DHX32: variants seen among roughly 807,000 people sequenced by gnomAD.
DHX32 encodes DEAH-box helicase 32 (putative).
In DHX32, 51 loss-of-function variants were observed where a neutral mutation model predicts 70.0. That is an observed-to-expected ratio of 0.73 (90% CI 0.58 to 0.92). DHX32 has a LOEUF of 0.92. DHX32 is among the 40% of genes least tolerant of loss of function. The pLI is 0.00. For synonymous variants in DHX32, 310 were observed against 315.3 expected, an observed-to-expected ratio of 0.98 and a Z score of 0.18; for missense variants, 762 against 891.8, an observed-to-expected ratio of 0.85 and a Z score of 1.85.
At chr10:125,843,760 T>G (rs556474685) in intron 6 of DHX32, among the ~76,000 whole-genome samples, 3 of 152,326 alleles carry the variant, frequency 2.0e-5, no homozygotes, top group Admixed American at 6.5e-5. Flanking sequence ...CCAGTCCTGC[T>G]GGAGGACAGC....
At chr10:125,890,548 TC>T (rs1944364451) in intron 1 of DHX32, 1 of 151,938 alleles carries the variant, frequency 6.6e-6, no homozygotes, top group African/African-American at 2.4e-5. Flanking sequence ...ATAAAAAAGG[TC>T]CATTTTTAAC....
At chr10:125,853,021 A>G (rs1482460623) in intron 4 of DHX32, 3 of 819,716 alleles carry the variant, frequency 3.7e-6, no homozygotes, top group South Asian at 1.8e-5. Flanking sequence ...GTTCAAATCA[A>G]CCAGGATCTT....
At chr10:125,853,871 T>A in intron 4 of DHX32, 90 bp downstream of exon 4, 1 of 1,483,360 alleles carries the variant, frequency 6.7e-7, no homozygotes, top group Non-Finnish European at 9.0e-7. Flanking sequence ...TAGTTCATCC[T>A]CACTTCCTGA....
In DHX32 at chr10:125,859,683, CAAAAG is replaced by C; in HGVS notation, c.764_768del (p.Ser255Ter). 6.2e-7 allele frequency: 1 copy of C among 1,613,708 alleles called. No individual in the cohort carries two copies. Among genetic ancestry groups the C allele is most frequent in the Non-Finnish European group, 8.5e-7 (1 of 1,179,902 alleles). The stretch of plus-strand genomic sequence containing the variant: ...TCAAAGATAAGGCGTAAAATAGACT[CAAAAG>C]AATCCTTTTGAGCCTCACTAAGGTA... On this transcript the variant is annotated frameshift_variant, in exon 3 of 11. Transcript: ENST00000284690. LOFTEE classifies it high-confidence loss of function.
upstream of DHX32, among the ~76,000 whole-genome samples, chr10:125,884,648 G>A (rs1224985914): frequency 6.6e-6 from 1 of 152,226 alleles, no homozygotes; most frequent in East Asian, 1.9e-4. Flanking sequence ...AGTCATTTAT[G>A]TGTTTGGCTC....
At chr10:125,867,703 G>T (rs7100119) in intron 1 of DHX32, among the ~76,000 whole-genome samples, 124 of 144,712 alleles carry the variant, frequency 8.6e-4, no homozygotes, top group East Asian at 7.1e-3. Context: ...GCCACTGCAC[G>T]CCAGCCTGGG....
intron 6 of DHX32, among the ~76,000 whole-genome samples, chr10:125,847,096 G>A (rs566477930): frequency 1.2e-3 from 182 of 151,938 alleles, no homozygotes; most frequent in Non-Finnish European, 2.3e-3. Flanking sequence ...GTCCACAGGG[G>A]GAGACTCTAC....
intron 2 of DHX32, among the ~76,000 whole-genome samples, chr10:125,862,049 C>T (rs1000509601): frequency 2.0e-5 from 3 of 152,070 alleles, no homozygotes; most frequent in African/African-American, 7.2e-5. Flanking sequence ...ATATTGCTAT[C>T]CCATTACTAT....
intron 1 of DHX32, among the ~76,000 whole-genome samples, chr10:125,893,696 TAA>T (rs1417803560): frequency 1.3e-5 from 2 of 152,198 alleles, no homozygotes; most frequent in Non-Finnish European, 1.5e-5. Flanking sequence ...CAGAACTCCC[TAA>T]GAGTTTCAGA....
chr10:125,896,149 C>T, intron 1 of DHX32: 1 of 163,910 alleles, frequency 6.1e-6, no homozygotes, highest in Middle Eastern at 2.9e-3. Flanking sequence ...GGGCCGCCCA[C>T]CCGGCTCGGG....
At position 125,838,417 on chromosome 10, in the gene DHX32, T is replaced by C. The variant is rs773415974; in HGVS notation, c.1882-30A>G. On this transcript the variant is annotated intron_variant, in intron 9 of 10. Coordinates refer to ENST00000284690, the MANE Select transcript of DHX32 (RefSeq NM_018180.3). ...AAGGCAGAATTTTAAAGAAAAAAGA[T>C]TTTGTATTAATATGGAGATCATTAT... 2.6e-6 allele frequency: 4 copies of C among 1,533,794 alleles called. No individual in the cohort carries two copies. In the South Asian group the frequency reaches 5.2e-5, roughly 20 times the overall value.
intron 6 of DHX32, among the ~76,000 whole-genome samples, chr10:125,846,612 A>T (rs1389167375): frequency 6.6e-6 from 1 of 152,224 alleles, no homozygotes; most frequent in Non-Finnish European, 1.5e-5. Flanking sequence ...ACGTAAATCA[A>T]GAATCCTGCT....
chr10:125,836,921 T>C, intron 10 of DHX32, 66 bp from the exon 11 acceptor site: 1 of 1,428,434 alleles, frequency 7.0e-7, no homozygotes, highest in Non-Finnish European at 9.7e-7. Flanking sequence ...CCAAACATTA[T>C]GTCTGGGCAC....
intron 2 of DHX32, among the ~76,000 whole-genome samples, chr10:125,861,879 G>A (rs1182128026): frequency 6.6e-6 from 1 of 151,898 alleles, no homozygotes; most frequent in Non-Finnish European, 1.5e-5. Flanking sequence ...CTGAACCCGG[G>A]GGTAGTCTTG....
intron 6 of DHX32, among the ~76,000 whole-genome samples, chr10:125,851,818 A>C (rs1379080955): frequency 6.6e-6 from 1 of 151,002 alleles, no homozygotes; most frequent in African/African-American, 2.4e-5. Flanking sequence ...CTATTTGGGA[A>C]GCTGTGGTGG....
chr10:125,859,528 A>T, intron 3 of DHX32, 75 bp downstream of exon 3: 1 of 1,466,030 alleles, frequency 6.8e-7, no homozygotes, highest in Non-Finnish European at 9.1e-7. Flanking sequence ...GCAAACTGAA[A>T]CCTGTATGTT....
chr10:125,872,943 C>T (rs1042320954), intron 1 of DHX32, among the ~76,000 whole-genome samples: 2 of 152,218 alleles, frequency 1.3e-5, no homozygotes, highest in Non-Finnish European at 2.9e-5. Context: ...AAGTTAGCAA[C>T]TGCAGTTCTA....
Position 125,867,193 on chromosome 10 carries a change from G to GA in DHX32, c.283-11dup. On this transcript the variant is annotated splice_polypyrimidine_tract_variant and intron_variant, in intron 1 of 10. Coordinates refer to ENST00000284690, the MANE Select transcript of DHX32 (RefSeq NM_018180.3). ...CACACCACTGAGGAACCTGTAGCAG[G>GA]AAAAAATGAGACAGGATCAGCTTCT... 6.3e-7 allele frequency: 1 copy of GA among 1,579,506 alleles called. No individual in the cohort carries two copies. The highest frequency in any genetic ancestry group is 1.1e-5 in the South Asian group (1 of 87,028).
At chr10:125,845,109 C>T (rs1589705669) in intron 6 of DHX32, among the ~76,000 whole-genome samples, 2 of 152,204 alleles carry the variant, frequency 1.3e-5, no homozygotes, top group Admixed American at 6.5e-5. Context: ...GCGCTAACTC[C>T]AAGCTGAGCA....
Sources: gnomAD v4.1 joint callset for allele counts (sites outside exome capture counted in the v4.1 genomes callset) on GRCh38, gnomAD v4.1.1 for gene constraint, MANE v1.5 for transcripts, NCBI Gene and HGNC (gene_info 2026-07-23, HGNC 2026-07-21) for gene names.